Variants in PKP2 observed in about 807,000 individuals in gnomAD.
The protein encoded by PKP2 is plakophilin 2, also known as plakophilin-2.
In PKP2, 73 loss-of-function variants were observed where a neutral mutation model predicts 83.4. That is an observed-to-expected ratio of 0.88 (90% CI 0.72 to 1.06). The LOEUF is 1.06. Ranked by LOEUF, PKP2 falls within the 50% of genes least tolerant of loss-of-function variation. The pLI, the probability that PKP2 is intolerant of heterozygous loss-of-function variation, is 0.00. For synonymous variants in PKP2, 409 were observed against 430.4 expected, an observed-to-expected ratio of 0.95 and a Z score of 0.62; for missense variants, 966 against 1,065.4, an observed-to-expected ratio of 0.91 and a Z score of 1.30.
chr12:32,796,146 C>T lies in PKP2; in HGVS notation c.2320G>A (p.Gly774Ser), dbSNP rs1592726250. 5.6e-6 allele frequency: 9 copies of T among 1,614,028 alleles called. No homozygotes were observed. The East Asian group carries it at 1.8e-4, about 32-fold the overall frequency. Residue 774 changes from glycine (G) to serine (S), a missense_variant, in exon 11 of 13, where the codon GGC (glycine) becomes AGC (serine). Coordinates refer to ENST00000340811, the MANE Select transcript of PKP2 (RefSeq NM_001005242.3). ...QNARDLLNTG[G>S]IQKIMAISAG... Reference sequence around the variant, plus strand: ...CTAATGGCCATAATTTTCTGGATGCCCCCGGTGTTTAGAAGGTCGCGTGCA... The same window carrying T: ...CTAATGGCCATAATTTTCTGGATGCTCCCGGTGTTTAGAAGGTCGCGTGCA...
chr12:32,803,422 GTTA>G (rs1413930792), intron 9 of PKP2, among the ~76,000 whole-genome samples: 4 of 152,204 alleles, frequency 2.6e-5, no homozygotes, highest in East Asian at 1.9e-4. Flanking sequence ...ATTTAATTAG[GTTA>G]TTAACATTTT....
chr12:32,869,809 C>T (rs940169267), intron 3 of PKP2, among the ~76,000 whole-genome samples: 4 of 152,110 alleles, frequency 2.6e-5, no homozygotes, highest in Non-Finnish European at 5.9e-5. Flanking sequence ...TGCCTGAGTC[C>T]AGGAATTCAA....
At chr12:32,882,078 A>C (rs1347251520) in intron 1 of PKP2, among the ~76,000 whole-genome samples, 1 of 152,048 alleles carries the variant, frequency 6.6e-6, no homozygotes, top group Admixed American at 6.6e-5. Flanking sequence ...CACTATCCCC[A>C]CCCCCAATAA....
chr12:32,822,612 C>A lies in PKP2; in HGVS notation c.1694G>T (p.Cys565Phe), dbSNP rs1228575203. ...PDDKATENCV[C>F]ILHNLSYQLE... ...CTGGTAGGAGAGGTTATGAAGAATG[C>A]ACACACAATTCTCCGTGGCCTGAGA... Residue 565 changes from cysteine to phenylalanine, a missense_variant, in exon 8 of 13, where the codon TGC becomes TTC. Cys to Phe is a radical substitution (Grantham distance 205, BLOSUM62 -2). Coordinates refer to ENST00000340811, the MANE Select transcript of PKP2 (RefSeq NM_001005242.3). The A allele has an allele frequency of 2.5e-6, 4 of 1,614,058 alleles. No individual in the cohort carries two copies. The highest frequency in any genetic ancestry group is 4.5e-5 in the East Asian group (2 of 44,880).
chr12:32,840,953 A>C (rs1431533036), intron 6 of PKP2, 75 bp downstream of exon 6: 41 of 1,045,010 alleles, frequency 3.9e-5, no homozygotes, highest in Non-Finnish European at 6.0e-5. Context: ...CAAAGGCAGA[A>C]TATATCCTGA....
chr12:32,797,090 G>GA (rs1331365873), intron 10 of PKP2, among the ~76,000 whole-genome samples: 1 of 151,850 alleles, frequency 6.6e-6, no homozygotes, highest in Non-Finnish European at 1.5e-5. Context: ...ATAATAAAAA[G>GA]AAAATAATTA....
intron 1 of PKP2, among the ~76,000 whole-genome samples, chr12:32,892,289 A>G (rs1015110846): frequency 2.7e-5 from 4 of 148,172 alleles, no homozygotes; most frequent in Non-Finnish European, 4.5e-5. Context: ...CCCTGAGCCA[A>G]TTTTCAATTC....
chr12:32,796,360 C>T, intron 10 of PKP2, 62 bp from the exon 11 acceptor site: 1 of 1,378,964 alleles, frequency 7.3e-7, no homozygotes, highest in Non-Finnish European at 1.0e-6. Context: ...ATCCCAAGAT[C>T]CCAATATATT....
At chr12:32,883,295 A>C (rs997837168) in intron 1 of PKP2, among the ~76,000 whole-genome samples, 3 of 152,244 alleles carry the variant, frequency 2.0e-5, no homozygotes, top group African/African-American at 7.2e-5. Context: ...CTGCAGACTA[A>C]TTTGCCTAGG....
intron 1 of PKP2, among the ~76,000 whole-genome samples, chr12:32,890,022 G>A (rs1054338394): frequency 2.2e-5 from 3 of 135,066 alleles, no homozygotes; most frequent in Non-Finnish European, 3.1e-5. Context: ...GTTGCAGTGA[G>A]CCGAGATTGT....
Position 32,868,928 on chromosome 12 carries a change from C to G in PKP2, c.1169G>C (p.Arg390Thr), listed in dbSNP as rs1387739318. The G allele has an allele frequency of 6.2e-7, 1 of 1,612,716 alleles. No homozygotes were observed. The highest frequency in any genetic ancestry group is 8.5e-7 in the Non-Finnish European group (1 of 1,179,812). Residue 390 changes from arginine (R) to threonine (T), a missense_variant and splice_region_variant, in exon 4 of 13, where the codon AGG (arginine) becomes ACG (threonine). Physicochemically the swap from Arg to Thr is moderately conservative, Grantham distance 71. Coordinates refer to ENST00000340811, the MANE Select transcript of PKP2 (RefSeq NM_001005242.3). ...ECFQKSEARK[R>T]VNQLRGILKL... ...CAATGGACTGAAGATGACACTCACC[C>G]TCTTCCGAGCTTCAGATTTCTGGAA...
chr12:32,890,952 C>CAAAAAAAAAAA (rs56900611), intron 1 of PKP2, among the ~76,000 whole-genome samples: 3 of 70,290 alleles, frequency 4.3e-5, no homozygotes, highest in Non-Finnish European at 6.4e-5. Flanking sequence ...AAGAGCGAAA[C>CAAAAAAAAAAA]AAAAAAAAAA....
intron 6 of PKP2, among the ~76,000 whole-genome samples, chr12:32,840,780 G>A (rs868173266): frequency 9.2e-5 from 14 of 151,958 alleles, no homozygotes; most frequent in African/African-American, 2.9e-4. Flanking sequence ...TGTGTAGGCC[G>A]GGCACGGTGG....
At chr12:32,862,016 G>T (rs1000858639) in intron 4 of PKP2, among the ~76,000 whole-genome samples, 6 of 152,122 alleles carry the variant, frequency 3.9e-5, no homozygotes, top group African/African-American at 1.4e-4. Context: ...TCCTGCCTCA[G>T]CCTCCTAAGT....
intron 5 of PKP2, among the ~76,000 whole-genome samples, chr12:32,846,568 A>C (rs1956646355): frequency 1.3e-5 from 2 of 152,032 alleles, no homozygotes. Context: ...AACATGGAGA[A>C]ACCTCCATCT....
chr12:32,849,187 T>C (rs1175238864), intron 5 of PKP2, among the ~76,000 whole-genome samples: 2 of 152,160 alleles, frequency 1.3e-5, no homozygotes, highest in African/African-American at 4.8e-5. Flanking sequence ...AATTTACTGA[T>C]GATTGCACTC....
chr12:32,822,396 C>A, intron 8 of PKP2, 71 bp downstream of exon 8: 2 of 1,280,314 alleles, frequency 1.6e-6, no homozygotes, highest in Non-Finnish European at 2.3e-6. Context: ...CTTAGACATA[C>A]ACATATACAC....
intron 4 of PKP2, among the ~76,000 whole-genome samples, chr12:32,866,780 A>G (rs901432806): frequency 2.6e-5 from 4 of 152,132 alleles, no homozygotes; most frequent in African/African-American, 9.7e-5. Flanking sequence ...AAAGTCAAAC[A>G]TACACCTACC....
chr12:32,866,746 T>C (rs1956852922), intron 4 of PKP2, among the ~76,000 whole-genome samples: 2 of 152,044 alleles, frequency 1.3e-5, no homozygotes. Context: ...AGCTACTTTG[T>C]AAAATGGTTT....
Sources: allele counts gnomAD v4.1 joint callset (sites outside exome capture counted in the v4.1 genomes callset), GRCh38; gene constraint gnomAD v4.1.1; transcripts MANE v1.5; gene names NCBI Gene and HGNC (gene_info 2026-07-23, HGNC 2026-07-21).